The following NADSYN1 variants were observed in gnomAD, a reference collection of about 807,000 sequenced individuals.
The protein encoded by NADSYN1 is NAD synthetase 1.
Under a neutral mutation model 99.3 loss-of-function variants are expected in NADSYN1, and 80 were observed. The observed-to-expected ratio is 0.81, with a 90% CI of 0.67 to 0.97. NADSYN1 has a LOEUF of 0.97. Among genes scored for constraint, NADSYN1 ranks in the 50% least tolerant of loss-of-function variants. The pLI is 0.00. For synonymous variants in NADSYN1, 385 were observed against 372.1 expected, an observed-to-expected ratio of 1.03 and a Z score of -0.40; for missense variants, 859 against 948.5, an observed-to-expected ratio of 0.91 and a Z score of 1.24.
chr11:71,478,514 G>T (rs747966965), intron 10 of NADSYN1, 45 bp downstream of exon 10: 1 of 1,535,176 alleles, frequency 6.5e-7, no homozygotes, highest in Admixed American at 1.9e-5. Context: ...CATCAAAGAC[G>T]TGGAAAGTGG....
rs984729377 is a variant in NADSYN1 at position 71,464,296 on chromosome 11, A to G, written c.407+154A>G. The G allele has an allele frequency of 4.8e-6, 3 of 631,538 alleles. No homozygotes were observed. The Admixed American group carries it at 8.7e-5, about 18-fold the overall frequency. 39.1% of individuals were successfully genotyped at this position (631,538 alleles called of 1,614,324 possible). A position where few individuals can be genotyped will look rare whatever the true frequency, so the allele number is the denominator to read the frequency against. Reference sequence around the variant, plus strand: ...GGGACAAAAAGCACAAAGAAAGCCAAAAAAGAATGAAGCAACCAAAGGAGA... The same window carrying G: ...GGGACAAAAAGCACAAAGAAAGCCAGAAAAGAATGAAGCAACCAAAGGAGA... On this transcript the variant is annotated intron_variant, in intron 5 of 20. Transcript: ENST00000319023.
Position 71,481,916 on chromosome 11 carries a change from A to G in NADSYN1, c.1048-7A>G, listed in dbSNP as rs770344658. The G allele has an allele frequency of 6.2e-7, 1 of 1,612,466 alleles. No homozygotes were observed. The highest frequency in any genetic ancestry group is 1.1e-5 in the South Asian group (1 of 90,718). ...TCTGCTCACGCTGTCTGATTGGTCC[A>G]TTCCAGGCAGGGTTTTTGCTGCCCT... On this transcript the variant is annotated splice_region_variant and splice_polypyrimidine_tract_variant and intron_variant, in intron 12 of 20. Coordinates refer to ENST00000319023, the MANE Select transcript of NADSYN1 (RefSeq NM_018161.5).
At chr11:71,468,529 GAAGAA>G (rs1949608022) in intron 5 of NADSYN1, among the ~76,000 whole-genome samples, 1 of 151,930 alleles carries the variant, frequency 6.6e-6, no homozygotes. Context: ...ATAGCAGGCA[GAAGAA>G]AAGAAGACTA....
rs576125548 is a variant in NADSYN1 at position 71,484,622 on chromosome 11, G to A, written c.1455+175G>A. On this transcript the variant is annotated intron_variant, in intron 15 of 20. Transcript: ENST00000319023. ...ACAGCCTGTATGCCTCACTGAAGAC[G>A]TCGGTCATGCAGCCTTGTTAACAAG... 1.3e-5 allele frequency: 12 copies of A among 918,846 alleles called. No homozygotes were observed. In the East Asian group the frequency reaches 2.7e-4, roughly 21 times the overall value. 56.9% of individuals were successfully genotyped at this position (918,846 alleles called of 1,614,324 possible).
Position 71,498,530 on chromosome 11 carries a change from T to C in NADSYN1, c.2070+2T>C, listed in dbSNP as rs763624750. Reference sequence around the variant, plus strand: ...CAGTTTCGGTGCATAGAAAATCAGGTAAATCCAGCAGAAATGTTTCTCTCT... The same window carrying C: ...CAGTTTCGGTGCATAGAAAATCAGGCAAATCCAGCAGAAATGTTTCTCTCT... On this transcript the variant is annotated splice_donor_variant, in intron 20 of 20. Transcript: ENST00000319023. LOFTEE classifies it high-confidence loss of function. 6.1e-5 allele frequency: 99 copies of C among 1,613,252 alleles called. No homozygotes were observed. Among genetic ancestry groups the C allele is most frequent in the Non-Finnish European group, 8.3e-5 (98 of 1,179,438 alleles).
chr11:71,462,539 C>T (rs117684730), intron 3 of NADSYN1, among the ~76,000 whole-genome samples: 17 of 152,270 alleles, frequency 1.1e-4, no homozygotes, highest in Non-Finnish European at 2.1e-4. Context: ...TGTGCCCTGA[C>T]CACCGCAGGC....
intron 5 of NADSYN1, among the ~76,000 whole-genome samples, chr11:71,471,804 A>G (rs2099614776): frequency 6.6e-6 from 1 of 152,184 alleles, no homozygotes; most frequent in South Asian, 2.1e-4. Context: ...GAGAACTACT[A>G]AAACCATGCC....
In NADSYN1 at chr11:71,498,347, A is replaced by T. The variant is rs752698893; in HGVS notation, c.1894-5A>T. 1 of 1,614,070 alleles carries T rather than the reference A, an allele frequency of 6.2e-7. No individual in the cohort carries two copies. The highest frequency in any genetic ancestry group is 1.1e-5 in the South Asian group (1 of 91,050). On this transcript the variant is annotated splice_region_variant and splice_polypyrimidine_tract_variant and intron_variant, in intron 19 of 20. Coordinates refer to ENST00000319023, the MANE Select transcript of NADSYN1 (RefSeq NM_018161.5). ...CATGAAGCTCGTGTGTTGCACGCCC[A>T]CCAGGTCGCTGACAAAGTGAAGCGG...
chr11:71,476,307 G>A, intron 9 of NADSYN1: 1 of 356,936 alleles, frequency 2.8e-6, no homozygotes, highest in South Asian at 2.1e-5. Context: ...CCGGAGGCGA[G>A]TTCTGCAGCT....
intron 16 of NADSYN1, among the ~76,000 whole-genome samples, chr11:71,488,796 G>A (rs1292895628): frequency 6.6e-6 from 1 of 152,128 alleles, no homozygotes; most frequent in Non-Finnish European, 1.5e-5. Flanking sequence ...CTGTAGGCAT[G>A]CACCACCACG....
At position 71,474,398 on chromosome 11, in the gene NADSYN1, G is replaced by A. The variant is rs370317976; in HGVS notation, c.670G>A (p.Gly224Ser). 6 of 1,613,952 alleles carry A rather than the reference G, an allele frequency of 3.7e-6. No homozygotes were observed. Among genetic ancestry groups the A allele is most frequent in the East Asian group, 2.2e-5 (1 of 44,888 alleles). ...DLVTMVTSKN[G>S]GIYLLANQKG... is the part of the protein sequence containing the mutation. The stretch of plus-strand genomic sequence containing the variant: ...CTATGGGGTCCTCCTTTTTCAGAAC[G>A]GTGGGATTTACTTGCTGGCCAACCA... Residue 224 changes from glycine (G) to serine (S), a missense_variant, in exon 9 of 21, where the codon GGT becomes AGT. Transcript: ENST00000319023.
chr11:71,458,494 G>A lies in NADSYN1; in HGVS notation c.213G>A (p.Ala71=), dbSNP rs774142574. 5.6e-6 allele frequency: 9 copies of A among 1,613,812 alleles called. No individual in the cohort carries two copies. Among genetic ancestry groups the A allele is most frequent in the Middle Eastern group, 3.3e-4 (2 of 6,060 alleles). ...DTLLHSFQVL[A]ALVESPVTQD... ...TCTTGCACTCGTTTCAAGTCCTAGC[G>A]GCCCTTGTGGAGTCTCCCGTCACTC... The change falls in exon 3 of 21, where the codon GCG becomes GCA. Residue 71 remains alanine, a synonymous_variant. Transcript: ENST00000319023.
At chr11:71,461,113 G>GT (rs374342298) in intron 3 of NADSYN1, among the ~76,000 whole-genome samples, 78 of 152,208 alleles carry the variant, frequency 5.1e-4, no homozygotes, top group African/African-American at 1.8e-3. Context: ...CCATTCCCAC[G>GT]TAAGGTAAAA....
At chr11:71,491,937 C>A in intron 18 of NADSYN1, 34 bp downstream of exon 18, 2 of 1,592,204 alleles carry the variant, frequency 1.3e-6, no homozygotes, top group South Asian at 2.2e-5. Context: ...ATGCTTCCTG[C>A]CCTCCTCCCC....
chr11:71,474,723 T>A, intron 9 of NADSYN1, 197 bp downstream of exon 9: 7 of 542,566 alleles, frequency 1.3e-5, no homozygotes, highest in African/African-American at 4.0e-5. Flanking sequence ...GGGTCCCGCC[T>A]GCTCCTGGCT....
At chr11:71,461,477 G>A (rs1281431510) in intron 3 of NADSYN1, among the ~76,000 whole-genome samples, 3 of 152,106 alleles carry the variant, frequency 2.0e-5, no homozygotes, top group East Asian at 3.8e-4. Flanking sequence ...CGCACAGGCT[G>A]GAGTGCAGCG....
intron 9 of NADSYN1, among the ~76,000 whole-genome samples, chr11:71,478,015 G>A (rs956072507): frequency 6.6e-6 from 1 of 151,968 alleles, no homozygotes; most frequent in East Asian, 1.9e-4. Context: ...CTGACACTGG[G>A]GTGTCTTACT....
In NADSYN1 at chr11:71,501,396, C is replaced by T; in HGVS notation, c.*44C>T. 6.4e-7 allele frequency: 1 copy of T among 1,556,944 alleles called. No individual in the cohort carries two copies. Among genetic ancestry groups the T allele is most frequent in the Non-Finnish European group, 8.7e-7 (1 of 1,147,148 alleles). On this transcript the variant is annotated 3_prime_UTR_variant, in exon 21 of 21. Transcript: ENST00000319023. ...GGCCTCCTGTCCTCGGGGACCCCAG[C>T]ACCTCATCATCAGCATTGCTGGAGC...
At position 71,482,950 on chromosome 11, in the gene NADSYN1, A is replaced by C; in HGVS notation, c.1252A>C (p.Met418Leu). 6.2e-7 allele frequency: 1 copy of C among 1,613,168 alleles called. No individual in the cohort carries two copies. Among genetic ancestry groups the C allele is most frequent in the Non-Finnish European group, 8.5e-7 (1 of 1,179,642 alleles). The part of the protein sequence containing the change: ...LCGRILTTCY[M>L]ASKNSSQETC... The stretch of plus-strand genomic sequence containing the variant: ...TGGACGCATACTGACCACCTGCTAC[A>C]TGGCCAGCAAGAACTCCTCCCAGGA... Residue 418 changes from methionine (M) to leucine (L), a missense_variant, in exon 14 of 21, where the codon ATG (methionine) becomes CTG (leucine). Physicochemically the swap from Met to Leu is conservative, Grantham distance 15. Transcript: ENST00000319023.
Sources: gnomAD v4.1 joint callset for allele counts (sites outside exome capture counted in the v4.1 genomes callset) on GRCh38, gnomAD v4.1.1 for gene constraint, MANE v1.5 for transcripts, NCBI Gene and HGNC (gene_info 2026-07-23, HGNC 2026-07-21) for gene names.